The following RPS6KA2 variants were observed in gnomAD, a reference collection of about 807,000 sequenced individuals.
The protein encoded by RPS6KA2 is ribosomal protein S6 kinase A2, also known as ribosomal protein S6 kinase alpha-2.
RPS6KA2 carries 42 observed loss-of-function variants against 91.8 expected under a neutral mutation model. The ratio of observed to expected loss-of-function variants is 0.46; its 90% CI spans 0.36 to 0.59. RPS6KA2 has a LOEUF of 0.59. RPS6KA2 is among the 20% of genes least tolerant of loss of function. RPS6KA2 has a pLI of 0.00. For missense variants in RPS6KA2, 798 were observed against 978.5 expected (o/e 0.82, Z 2.46); for synonymous variants, 414 against 393.6 (o/e 1.05, Z -0.61).
intron 2 of RPS6KA2, among the ~76,000 whole-genome samples, chr6:166,826,727 T>C (rs1712600673): frequency 1.3e-5 from 2 of 152,238 alleles, no homozygotes; most frequent in African/African-American, 2.4e-5. Flanking sequence ...TCTGTTTACA[T>C]TTATGGACCC....
At chr6:166,746,923 A>G (rs1232034482) in intron 2 of RPS6KA2, among the ~76,000 whole-genome samples, 3 of 152,248 alleles carry the variant, frequency 2.0e-5, no homozygotes, top group Non-Finnish European at 4.4e-5. Flanking sequence ...ATATTACAGG[A>G]CACAGATGGG....
chr6:166,711,392 G>A (rs1280302207), intron 2 of RPS6KA2, among the ~76,000 whole-genome samples: 2 of 147,338 alleles, frequency 1.4e-5, no homozygotes, highest in South Asian at 4.4e-4. Flanking sequence ...AAAGAACCAG[G>A]AAGATCTCAA....
chr6:166,420,498 T>C (rs1189610634), intron 17 of RPS6KA2, among the ~76,000 whole-genome samples: 1 of 152,208 alleles, frequency 6.6e-6, no homozygotes, highest in Non-Finnish European at 1.5e-5. Flanking sequence ...AATTATGCAA[T>C]GTTTGTCTTT....
chr6:166,460,420 G>A (rs1341637342), intron 11 of RPS6KA2, among the ~76,000 whole-genome samples: 2 of 152,204 alleles, frequency 1.3e-5, no homozygotes, highest in Admixed American at 6.5e-5. Flanking sequence ...GTCCTCAGGC[G>A]GGTGATGCTG....
chr6:166,493,371 G>A lies in RPS6KA2; in HGVS notation c.748-2630C>T, dbSNP rs76792213. Among the ~76,000 whole-genome samples, 4,082 of 152,168 alleles carry A rather than the reference G, an allele frequency of 0.027. 175 individuals carry two copies. The highest frequency in any genetic ancestry group is 0.093 in the African/African-American group (3,865 of 41,482). On this transcript the variant is annotated intron_variant, in intron 8 of 20. Coordinates refer to ENST00000265678, the MANE Select transcript of RPS6KA2 (RefSeq NM_021135.6). The surrounding 1 kb of genome is among the most constrained non-coding windows in gnomAD (Gnocchi z 4.7). Reference sequence around the variant, plus strand: ...TATGATTGTCTGAATGGAGCTGCCCGGGAACTTTCCAGTGCCGAAGCATTA... The same window carrying A: ...TATGATTGTCTGAATGGAGCTGCCCAGGAACTTTCCAGTGCCGAAGCATTA...
intron 1 of RPS6KA2, among the ~76,000 whole-genome samples, chr6:166,611,043 T>G (rs1786151650): frequency 1.3e-5 from 2 of 152,222 alleles, no homozygotes; most frequent in Admixed American, 1.3e-4. Context: ...AAAGAATGAT[T>G]GCAGACAGAT....
At chr6:166,641,719 CAAAAAAAAAAAAAAAAAAAAAAAAAAAAA>C (rs71032871) in intron 2 of RPS6KA2, among the ~76,000 whole-genome samples, 4 of 28,526 alleles carry the variant, frequency 1.4e-4, no homozygotes, top group East Asian at 1.8e-3. Flanking sequence ...GACTCTGTCA[CAAAAAAAAAAAAAAAAAAAAAAAAAAAAA>C]AAAAAAAAAA....
chr6:166,739,773 G>C (rs529044571), intron 2 of RPS6KA2, among the ~76,000 whole-genome samples: 1 of 152,322 alleles, frequency 6.6e-6, no homozygotes, highest in Admixed American at 6.5e-5. Flanking sequence ...CCAAAGTTCT[G>C]GATTTGAAAG....
At chr6:166,814,636 C>T (rs774774390) in intron 2 of RPS6KA2, among the ~76,000 whole-genome samples, 6 of 152,118 alleles carry the variant, frequency 3.9e-5, no homozygotes, top group Non-Finnish European at 7.4e-5. Context: ...CCCTCTCAAT[C>T]GCTCACATTA....
chr6:166,539,416 C>A (rs1202647804), intron 1 of RPS6KA2, among the ~76,000 whole-genome samples: 1 of 152,168 alleles, frequency 6.6e-6, no homozygotes, highest in African/African-American at 2.4e-5. Flanking sequence ...AATATAGCAA[C>A]TATGGAACAA....
In RPS6KA2 at chr6:166,821,789, G is replaced by T. The variant is rs1034391807; in HGVS notation, c.123+36411C>A. Reference sequence around the variant, plus strand: ...CTTCTGTGACCTCCCTCCTAAGGCCGCCTACTTGCCCTCTCCACCTGTCTA... The same window carrying T: ...CTTCTGTGACCTCCCTCCTAAGGCCTCCTACTTGCCCTCTCCACCTGTCTA... On this transcript the variant is annotated intron_variant, in intron 2 of 21. Coordinates refer to the RPS6KA2 transcript ENST00000503859. The surrounding 1 kb of genome is among the most constrained non-coding windows in gnomAD (Gnocchi z 4.1). Among the ~76,000 whole-genome samples, 1 of 152,096 alleles carries T rather than the reference G, an allele frequency of 6.6e-6. No individual in the cohort carries two copies. Among genetic ancestry groups the T allele is most frequent in the Non-Finnish European group, 1.5e-5 (1 of 68,010 alleles).
chr6:166,779,370 T>C (rs1403985857), intron 2 of RPS6KA2, among the ~76,000 whole-genome samples: 2 of 152,202 alleles, frequency 1.3e-5, no homozygotes, highest in Non-Finnish European at 2.9e-5. Flanking sequence ...TGGACTGAAT[T>C]GTATCCTCAA....
chr6:166,458,556 G>A (rs989716683), intron 12 of RPS6KA2, among the ~76,000 whole-genome samples: 3 of 152,188 alleles, frequency 2.0e-5, no homozygotes, highest in African/African-American at 7.2e-5. Context: ...GAAGTTAAGT[G>A]AGGATAAAAG....
At chr6:166,560,937 GTT>G (rs34982304) in intron 1 of RPS6KA2, among the ~76,000 whole-genome samples, 12 of 148,668 alleles carry the variant, frequency 8.1e-5, no homozygotes, top group African/African-American at 3.0e-4. Flanking sequence ...CCAACATGGT[GTT>G]TTTTTTTTTC....
At chr6:166,439,602 CACAG>C (rs1265402536) in intron 14 of RPS6KA2, among the ~76,000 whole-genome samples, 1 of 152,178 alleles carries the variant, frequency 6.6e-6, no homozygotes, top group Non-Finnish European at 1.5e-5. Flanking sequence ...GGGCCGTGCA[CACAG>C]ACAGTGAACA....
chr6:166,621,880 C>A (rs1258395171), intron 1 of RPS6KA2, among the ~76,000 whole-genome samples: 1 of 152,162 alleles, frequency 6.6e-6, no homozygotes, highest in Non-Finnish European at 1.5e-5. Flanking sequence ...CTCCCCTTCC[C>A]CTTCACAGCC....
rs769701882 is a variant in RPS6KA2 at position 166,490,072 on chromosome 6, T to G, written c.818+599A>C. ...TGGCAAGGTGGTATGGGGATCAGGC[T>G]TCTTCCTACAGTCCAAGAGCAAAAC... is the stretch of plus-strand genomic sequence containing the variant. On this transcript the variant is annotated intron_variant, in intron 9 of 20. Transcript: ENST00000265678. This position sits in a 1 kb window ranked among gnomAD's most constrained non-coding sequence, Gnocchi z 4.2. 6.6e-6 allele frequency among the ~76,000 whole-genome samples: 1 copy of G among 152,174 alleles called. No individual in the cohort carries two copies. The highest frequency in any genetic ancestry group is 1.5e-5 in the Non-Finnish European group (1 of 68,034).
At chr6:166,680,786 C>T (rs1470296010) in intron 2 of RPS6KA2, among the ~76,000 whole-genome samples, 1 of 152,206 alleles carries the variant, frequency 6.6e-6, no homozygotes, top group East Asian at 1.9e-4. Flanking sequence ...ACACTCATCA[C>T]TAGGGTCTGT....
intron 2 of RPS6KA2, among the ~76,000 whole-genome samples, chr6:166,754,623 C>T (rs1391008398): frequency 6.6e-6 from 1 of 152,124 alleles, no homozygotes; most frequent in Non-Finnish European, 1.5e-5. Context: ...TTGAAAAGTG[C>T]ACTCCTGGGT....
Sources: gnomAD v4.1 joint callset for allele counts (sites outside exome capture counted in the v4.1 genomes callset) on GRCh38, gnomAD v4.1.1 for gene constraint, Gnocchi (gnomAD v3.1) non-coding constraint, MANE v1.5 for transcripts, NCBI Gene and HGNC (gene_info 2026-07-23, HGNC 2026-07-21) for gene names.